The following SZT2 variants were observed in gnomAD, a reference collection of about 807,000 sequenced individuals.
The protein encoded by SZT2 is KICSTOR complex protein SZT2.
SZT2 carries 216 observed loss-of-function variants against 404.2 expected under a neutral mutation model. That is an observed-to-expected ratio of 0.53 (90% CI 0.48 to 0.60). The LOEUF is 0.60. Ranked by LOEUF, SZT2 falls within the 20% of genes least tolerant of loss-of-function variation. The pLI, the probability that SZT2 is intolerant of heterozygous loss-of-function variation, is 0.00. For missense variants in SZT2, 3,857 were observed against 4,459.2 expected (o/e 0.86, Z 3.85); for synonymous variants, 1,693 against 1,749.9 (o/e 0.97, Z 0.81).
Position 43,426,627 on chromosome 1 carries a change from C to T in SZT2, c.3215-88C>T, listed in dbSNP as rs2153933235. On this transcript the variant is annotated intron_variant, in intron 22 of 71. Coordinates refer to ENST00000634258, the MANE Select transcript of SZT2 (RefSeq NM_001365999.1). The surrounding 1 kb of genome is among the most constrained non-coding windows in gnomAD (Gnocchi z 4.9). ...GGTGATTTCTGTCTTTGAGTTTTGG[C>T]TTTCCCCTTCCTCCCCCTTTCTTCA... The T allele has an allele frequency of 6.6e-7, 1 of 1,512,524 alleles. No homozygotes were observed. Among genetic ancestry groups the T allele is most frequent in the East Asian group, 2.5e-5 (1 of 40,612 alleles). 93.7% of individuals were successfully genotyped at this position (1,512,524 alleles called of 1,614,324 possible).
rs1557594599 is a variant in SZT2 at position 43,442,886 on chromosome 1, T to TGAGCCGTGAGC, written c.8220_8230dup (p.Gln2744ArgfsTer8). 4.3e-6 allele frequency: 7 copies of TGAGCCGTGAGC among 1,613,978 alleles called. No homozygotes were observed. The highest frequency in any genetic ancestry group is 5.9e-6 in the Non-Finnish European group (7 of 1,179,932). ...CTCATCCGGAGTGCAAGTCCCCCGC[T>TGAGCCGTGAGC]GAGCCGTGAGCAGGGCCGACTGAGT... On this transcript the variant is annotated frameshift_variant, in exon 59 of 72. Transcript: ENST00000634258. LOFTEE classifies it high-confidence loss of function. This position sits in a 1 kb window ranked among gnomAD's most constrained non-coding sequence, Gnocchi z 4.5.
chr1:43,431,092 T>G lies in SZT2; in HGVS notation c.4916+2T>G. 1 of 1,611,796 alleles carries G rather than the reference T, an allele frequency of 6.2e-7. No individual in the cohort carries two copies. Among genetic ancestry groups the G allele is most frequent in the Non-Finnish European group, 8.5e-7 (1 of 1,179,264 alleles). On this transcript the variant is annotated splice_donor_variant, in intron 33 of 71. Coordinates refer to ENST00000634258, the MANE Select transcript of SZT2 (RefSeq NM_001365999.1). LOFTEE classifies it high-confidence loss of function. ...GGCCTCGGACCCTCAGCACCACCGG[T>G]GTGGCAGCAAGTTTGGTGGGGGGTT...
chr1:43,430,232 A>C, intron 30 of SZT2, 79 bp from the exon 31 acceptor site: 1 of 1,574,350 alleles, frequency 6.4e-7, no homozygotes, highest in South Asian at 1.1e-5. Context: ...GTCTAAGGCA[A>C]GACAAGTGTA....
intron 4 of SZT2, 141 bp downstream of exon 4, chr1:43,404,691 C>G: frequency 5.0e-6 from 4 of 799,704 alleles, no homozygotes; most frequent in Non-Finnish European, 1.9e-6. Flanking sequence ...TAGTCATCCT[C>G]ATGAGTCTCT....
chr1:43,425,039 G>A lies in SZT2; in HGVS notation c.2551-74G>A. The A allele has an allele frequency of 4.4e-6, 7 of 1,588,646 alleles. No homozygotes were observed. The highest frequency in any genetic ancestry group is 5.2e-6 in the Non-Finnish European group (6 of 1,157,520). On this transcript the variant is annotated intron_variant, in intron 17 of 71. Coordinates refer to ENST00000634258, the MANE Select transcript of SZT2 (RefSeq NM_001365999.1). The surrounding 1 kb of genome is among the most constrained non-coding windows in gnomAD (Gnocchi z 4.3). ...AATTTGGTGAGGGAACTGAAATTCT[G>A]AGGGCCAGAGCTAGGCCAGGCCAGA...
chr1:43,395,534 C>G (rs1157602226), intron 1 of SZT2, among the ~76,000 whole-genome samples: 1 of 152,186 alleles, frequency 6.6e-6, no homozygotes, highest in African/African-American at 2.4e-5. Context: ...TCCTGAGGCT[C>G]AAGTAATCCG....
In SZT2 at chr1:43,437,221, A is replaced by G. The variant is rs2153934975; in HGVS notation, c.6085A>G (p.Met2029Val). Residue 2029 changes from methionine to valine, a missense_variant, in exon 43 of 72, where the codon ATG becomes GTG. Coordinates refer to ENST00000634258, the MANE Select transcript of SZT2 (RefSeq NM_001365999.1). The surrounding 1 kb of genome is among the most constrained non-coding windows in gnomAD (Gnocchi z 5.3). Reference protein sequence around the residue: ...CAPRGYLAATMQFVPGHFSCD... With the variant: ...CAPRGYLAATVQFVPGHFSCD... ...GCCCCGTGGGTACCTGGCAGCCACA[A>G]TGCAGTTTGTCCCTGGCCATTTCTC... 6.2e-7 allele frequency: 1 copy of G among 1,614,124 alleles called. No homozygotes were observed. The highest frequency in any genetic ancestry group is 8.5e-7 in the Non-Finnish European group (1 of 1,180,022).
chr1:43,444,428 C>T (rs2153936294), intron 62 of SZT2, among the ~76,000 whole-genome samples: 1 of 152,226 alleles, frequency 6.6e-6, no homozygotes, highest in South Asian at 2.1e-4. Flanking sequence ...TGCTCCTAAG[C>T]CTCTGGATCT....
chr1:43,449,797 A>G, intron 70 of SZT2: 1 of 486,414 alleles, frequency 2.1e-6, no homozygotes, highest in Non-Finnish European at 3.8e-6. Flanking sequence ...CCAGGACAGG[A>G]GGCAAGGAGG....
At position 43,443,283 on chromosome 1, in the gene SZT2, T is replaced by C. The variant is rs759175332; in HGVS notation, c.8499+16T>C. ...GCCCATCAGTGTGAGTGACCCCAGC[T>C]TGCATCTTCCTTGAGTATCTGTGAT... On this transcript the variant is annotated intron_variant, in intron 60 of 71. Transcript: ENST00000634258. 17 of 1,614,194 alleles carry C rather than the reference T, an allele frequency of 1.1e-5. No homozygotes were observed. Among genetic ancestry groups the C allele is most frequent in the South Asian group, 5.5e-5 (5 of 91,086 alleles).
At chr1:43,400,688 A>G (rs544053828) in intron 1 of SZT2, among the ~76,000 whole-genome samples, 1 of 152,306 alleles carries the variant, frequency 6.6e-6, no homozygotes, top group South Asian at 2.1e-4. Flanking sequence ...CCTGGCCAAC[A>G]TGATGAAACC....
chr1:43,433,643 G>C (rs138308465), intron 40 of SZT2, among the ~76,000 whole-genome samples: 1 of 152,156 alleles, frequency 6.6e-6, no homozygotes, highest in African/African-American at 2.4e-5. Context: ...TTAGTTGGGC[G>C]TGGTGGCAGG....
At position 43,451,104 on chromosome 1, in the gene SZT2, G is replaced by T; in HGVS notation, c.*624G>T. 1 of 907,930 alleles carries T rather than the reference G, an allele frequency of 1.1e-6. No homozygotes were observed. The highest frequency in any genetic ancestry group is 1.8e-6 in the Non-Finnish European group (1 of 547,588). 56.2% of individuals were successfully genotyped at this position (907,930 alleles called of 1,614,324 possible). On this transcript the variant is annotated 3_prime_UTR_variant, in exon 72 of 72. Transcript: ENST00000634258. ...ATGGGAGGGAAGCAGCAGAGAAACT[G>T]AAGTGTTAGACACTATGTGTCCCAC...
At position 43,430,235 on chromosome 1, in the gene SZT2, C is replaced by G. The variant is rs953639983; in HGVS notation, c.4402-76C>G. 6 of 1,573,080 alleles carry G rather than the reference C, an allele frequency of 3.8e-6. No individual in the cohort carries two copies. The Admixed American group carries it at 6.8e-5, about 18-fold the overall frequency. On this transcript the variant is annotated intron_variant, in intron 30 of 71. Transcript: ENST00000634258. The stretch of plus-strand genomic sequence containing the variant: ...TTAGATCAAGCTGTCTAAGGCAAGA[C>G]AAGTGTAATCCCACTTGCCTAGGAT...
rs1655253092 is a variant in SZT2 at position 43,443,100 on chromosome 1, G to T, written c.8419+14G>T. The T allele has an allele frequency of 6.2e-7, 1 of 1,611,732 alleles. No individual in the cohort carries two copies. The highest frequency in any genetic ancestry group is 1.1e-5 in the South Asian group (1 of 90,858). On this transcript the variant is annotated intron_variant, in intron 59 of 71. Transcript: ENST00000634258. ...CAGAGCGCAGAGGTGAGGGTACTGG[G>T]CCAGGCAGCAGGGACAGGAAATCTG...
chr1:43,427,578 T>C lies in SZT2; in HGVS notation c.3647T>C (p.Leu1216Ser). 6.2e-7 allele frequency: 1 copy of C among 1,614,230 alleles called. No homozygotes were observed. Among genetic ancestry groups the C allele is most frequent in the Non-Finnish European group, 8.5e-7 (1 of 1,180,042 alleles). Residue 1216 changes from leucine to serine, a missense_variant, in exon 26 of 72, where the codon TTA (leucine) becomes TCA (serine). By Grantham distance (145) the Leu-to-Ser change is moderately radical. This residue lies in a region of SZT2 where 1,725 missense variants were observed against 1,881.0 expected (regional missense o/e 0.92). Transcript: ENST00000634258. The part of the protein sequence containing the change: ...GELSPPFRRD[L>S]QAYAGRQASQ... ...CTAAGTCCACCATTCCGTCGAGACT[T>C]ACAGGCTTACGCTGGGCGTCAGGCT... is the stretch of plus-strand genomic sequence containing the variant.
rs377123278 is a variant in SZT2, at chr1:43,443,198, C to T, written c.8430C>T (p.Arg2810=). The part of the protein sequence containing the change: ...IKMAERRELE[R]QMKMENLFVT... ...GCCCTCAACCCTCAGAGCTGGAGCG[C>T]CAGATGAAGATGGAAAACCTGTTTG... Residue 2810 remains arginine, a synonymous_variant, in exon 60 of 72, where the codon CGC becomes CGT. Transcript: ENST00000634258. 1.2e-6 allele frequency: 2 copies of T among 1,614,038 alleles called. No homozygotes were observed. The highest frequency in any genetic ancestry group is 2.7e-5 in the African/African-American group (2 of 74,898).
Position 43,448,681 on chromosome 1 carries a change from C to G in SZT2, c.10039C>G (p.Gln3347Glu). 6.2e-7 allele frequency: 1 copy of G among 1,614,216 alleles called. No homozygotes were observed. ...LIKVLLSRFP[Q>E]SCRHFQSPDL... ...CAAAGTTCTCCTAAGCCGCTTCCCC[C>G]AGAGCTGTCGCCATTTCCAAAGCCC... The change falls in exon 70 of 72, where the codon CAG becomes GAG. Residue 3347 changes from glutamine (Q) to glutamate (E), a missense_variant. By Grantham distance (29) the Gln-to-Glu change is conservative (BLOSUM62 2). Coordinates refer to ENST00000634258, the MANE Select transcript of SZT2 (RefSeq NM_001365999.1). This position sits in a 1 kb window ranked among gnomAD's most constrained non-coding sequence, Gnocchi z 4.2.
Position 43,451,535 on chromosome 1 carries a change from T to G in SZT2, c.*1055T>G. On this transcript the variant is annotated 3_prime_UTR_variant, in exon 72 of 72. Transcript: ENST00000634258. The stretch of plus-strand genomic sequence containing the variant: ...CCCTCGGCCTGGGACCTGTGCCACC[T>G]GCACATGCCCTGGGGACAGATGTGG... The G allele has an allele frequency of 1.2e-6, 2 of 1,614,016 alleles. No individual in the cohort carries two copies. Among genetic ancestry groups the G allele is most frequent in the Non-Finnish European group, 1.7e-6 (2 of 1,179,964 alleles).
Sources: gnomAD v4.1 joint callset for allele counts (sites outside exome capture counted in the v4.1 genomes callset) on GRCh38, gnomAD v4.1.1 for gene constraint, gnomAD v4.1.1 regional missense constraint, Gnocchi (gnomAD v3.1) non-coding constraint, MANE v1.5 for transcripts, NCBI Gene and HGNC (gene_info 2026-07-23, HGNC 2026-07-21) for gene names.